The following KAZN variants were observed in gnomAD, a reference collection of about 807,000 sequenced individuals.
KAZN encodes kazrin.
In KAZN, 40 loss-of-function variants were observed where a neutral mutation model predicts 87.4. The observed-to-expected ratio is 0.46, with a 90% confidence interval of 0.36 to 0.60. The LOEUF (loss-of-function observed/expected upper bound fraction) is 0.60. Among genes scored for constraint, KAZN ranks in the 20% least tolerant of loss-of-function variants. The pLI, the probability that KAZN is intolerant of heterozygous loss-of-function variation, is 0.00. For synonymous variants in KAZN, 466 were observed against 458.3 expected, an observed-to-expected ratio of 1.02 and a Z score of -0.22; for missense variants, 898 against 1,073.9, an observed-to-expected ratio of 0.84 and a Z score of 2.29.
intron 1 of KAZN, among the ~76,000 whole-genome samples, chr1:14,113,558 G>A (rs985721734): frequency 4.6e-5 from 7 of 152,282 alleles, no homozygotes; most frequent in Non-Finnish European, 1.0e-4. Context: ...CCATGTTTGA[G>A]TTGATTATCC....
intron 2 of KAZN, among the ~76,000 whole-genome samples, chr1:15,019,326 C>G (rs912342298): frequency 6.6e-6 from 1 of 152,234 alleles, no homozygotes; most frequent in Admixed American, 6.5e-5. Flanking sequence ...CAGCCTGAAC[C>G]TGGCTCTGCC....
intron 1 of KAZN, among the ~76,000 whole-genome samples, chr1:14,702,405 C>T (rs1572262500): frequency 6.7e-6 from 1 of 148,168 alleles, no homozygotes; most frequent in South Asian, 2.2e-4. Context: ...TTCACCATGT[C>T]CTCAAAGAGG....
intron 2 of KAZN, among the ~76,000 whole-genome samples, chr1:14,503,041 G>A (rs943427249): frequency 6.6e-6 from 1 of 152,032 alleles, no homozygotes; most frequent in African/African-American, 2.4e-5. Flanking sequence ...AACCTCTAAT[G>A]CAGGCTCAGG....
intron 2 of KAZN, among the ~76,000 whole-genome samples, chr1:14,500,843 C>G (rs1462334759): frequency 2.6e-5 from 4 of 151,908 alleles, no homozygotes; most frequent in African/African-American, 9.7e-5. Context: ...ATGATATAGC[C>G]TAGATGAAAT....
chr1:14,045,014 G>T (rs1642004630), intron 1 of KAZN, among the ~76,000 whole-genome samples: 3 of 152,136 alleles, frequency 2.0e-5, no homozygotes, highest in Admixed American at 2.0e-4. Context: ...CACTCAGGGA[G>T]GTCGTAGAGG....
chr1:14,074,233 A>G (rs1455816749), intron 1 of KAZN, among the ~76,000 whole-genome samples: 1 of 152,070 alleles, frequency 6.6e-6, no homozygotes, highest in East Asian at 1.9e-4. Flanking sequence ...GAACTCCACA[A>G]TAGTCTGTGC....
intron 1 of KAZN, among the ~76,000 whole-genome samples, chr1:14,034,851 G>A (rs898983868): frequency 2.0e-5 from 3 of 152,144 alleles, no homozygotes; most frequent in South Asian, 2.1e-4. Flanking sequence ...TTCTTCACTC[G>A]GTAAAGACTG....
At position 14,910,723 on chromosome 1, in the gene KAZN, G is replaced by A. The variant is rs116761827; in HGVS notation, c.227-49961G>A. Among the ~76,000 whole-genome samples, 542 of 152,242 alleles carry A rather than the reference G, an allele frequency of 3.6e-3. 4 individuals are homozygous for A. Among genetic ancestry groups the A allele is most frequent in the African/African-American group, 0.011 (460 of 41,558 alleles). ...GATCCCAGAAACAGTGAAGATGGCC[G>A]GCATGCTGAGCAAGAGGGGGCTTAC... On this transcript the variant is annotated intron_variant, in intron 1 of 14. Coordinates refer to ENST00000376030, the MANE Select transcript of KAZN (RefSeq NM_201628.3).
intron 1 of KAZN, among the ~76,000 whole-genome samples, chr1:13,896,284 C>T (rs1226202408): frequency 6.6e-6 from 1 of 152,080 alleles, no homozygotes; most frequent in Non-Finnish European, 1.5e-5. Flanking sequence ...TACGAATGGG[C>T]ATGGCTGTGT....
At chr1:14,346,213 A>T (rs993030841) in intron 2 of KAZN, among the ~76,000 whole-genome samples, 1 of 152,150 alleles carries the variant, frequency 6.6e-6, no homozygotes, top group African/African-American at 2.4e-5. Context: ...ATGAAAATGC[A>T]CAAGACTCTT....
chr1:15,104,081 C>T lies in KAZN; in HGVS notation c.1940C>T (p.Pro647Leu). The T allele has an allele frequency of 6.2e-7, 1 of 1,613,550 alleles. No individual in the cohort carries two copies. The highest frequency in any genetic ancestry group is 8.5e-7 in the Non-Finnish European group (1 of 1,179,758). Residue 647 changes from proline (P) to leucine (L), a missense_variant, in exon 13 of 15, where the codon CCC (proline) becomes CTC (leucine). By Grantham distance (98) the Pro-to-Leu change is moderately conservative. Coordinates refer to ENST00000376030, the MANE Select transcript of KAZN (RefSeq NM_201628.3). ...GVHGAVLVLEPTFNAEAMATA... is the reference protein window; with the variant it reads ...GVHGAVLVLELTFNAEAMATA... Reference sequence around the variant, plus strand: ...CATGGTGCTGTGCTGGTGCTGGAGCCCACATTCAATGCCGAGGCCATGGCC... The same window carrying T: ...CATGGTGCTGTGCTGGTGCTGGAGCTCACATTCAATGCCGAGGCCATGGCC...
chr1:14,211,003 A>G (rs753520360), intron 2 of KAZN, among the ~76,000 whole-genome samples: 3 of 152,062 alleles, frequency 2.0e-5, no homozygotes, highest in Non-Finnish European at 4.4e-5. Context: ...GATTATTATA[A>G]TTATTATAAA....
chr1:14,243,245 C>T (rs1361478449), intron 2 of KAZN, among the ~76,000 whole-genome samples: 2 of 152,274 alleles, frequency 1.3e-5, no homozygotes, highest in Non-Finnish European at 2.9e-5. Flanking sequence ...CAAATTCGAC[C>T]TCTCTCCTGT....
At chr1:14,050,592 G>A (rs1273448926) in intron 1 of KAZN, among the ~76,000 whole-genome samples, 1 of 152,150 alleles carries the variant, frequency 6.6e-6, no homozygotes, top group Admixed American at 6.5e-5. Context: ...GAACAGCATG[G>A]AGGAAACTGC....
At chr1:14,494,047 C>G (rs1032440554) in intron 2 of KAZN, among the ~76,000 whole-genome samples, 1 of 152,136 alleles carries the variant, frequency 6.6e-6, no homozygotes, top group Admixed American at 6.5e-5. Context: ...TCTTCTGGTT[C>G]CTAGAGTAAA....
intron 2 of KAZN, among the ~76,000 whole-genome samples, chr1:14,301,589 G>A (rs1654558308): frequency 6.6e-6 from 1 of 152,224 alleles, no homozygotes; most frequent in Non-Finnish European, 1.5e-5. Context: ...TCTGCCTGTT[G>A]GGAAATTTGG....
intron 2 of KAZN, among the ~76,000 whole-genome samples, chr1:14,392,752 G>T (rs1347443691): frequency 6.6e-6 from 1 of 152,090 alleles, no homozygotes; most frequent in Admixed American, 6.6e-5. Flanking sequence ...AGGCGGGTGT[G>T]GGGGTGGGGG....
intron 2 of KAZN, among the ~76,000 whole-genome samples, chr1:14,569,098 A>C (rs951021064): frequency 3.3e-5 from 5 of 152,100 alleles, no homozygotes; most frequent in African/African-American, 1.2e-4. Context: ...GACAGCTCCC[A>C]TGTTTTTCCT....
intron 1 of KAZN, among the ~76,000 whole-genome samples, chr1:13,943,508 A>G (rs1449051468): frequency 6.6e-6 from 1 of 152,132 alleles, no homozygotes; most frequent in Admixed American, 6.5e-5. Flanking sequence ...AAATAATCTT[A>G]GGACACAAAG....
Sources: gnomAD v4.1 joint callset for allele counts (sites outside exome capture counted in the v4.1 genomes callset) on GRCh38, gnomAD v4.1.1 for gene constraint, MANE v1.5 for transcripts, NCBI Gene and HGNC (gene_info 2026-07-23, HGNC 2026-07-21) for gene names.